Variants in MYO1D observed in about 807,000 individuals in gnomAD.
MYO1D encodes the protein myosin ID.
A neutral mutation model predicts 122.0 loss-of-function variants in MYO1D; 83 were observed. The ratio of observed to expected loss-of-function variants is 0.68; its 90% confidence interval spans 0.57 to 0.82. The LOEUF (loss-of-function observed/expected upper bound fraction) is 0.82, where lower values mean the gene tolerates loss of function less well. MYO1D is among the 40% of genes least tolerant of loss of function. MYO1D has a pLI of 0.00. For missense variants in MYO1D, 1,157 were observed against 1,269.5 expected (o/e 0.91, Z 1.35); for synonymous variants, 464 against 446.9 (o/e 1.04, Z -0.48).
intron 16 of MYO1D, among the ~76,000 whole-genome samples, chr17:32,698,856 C>A (rs1223211477): frequency 1.3e-5 from 2 of 151,962 alleles, no homozygotes. Flanking sequence ...ATAAAAAATG[C>A]AAAATGCAAA....
chr17:32,563,200 T>TTC (rs201518647), intron 21 of MYO1D, among the ~76,000 whole-genome samples: 1 of 132,500 alleles, frequency 7.5e-6, no homozygotes, highest in South Asian at 2.3e-4. Flanking sequence ...TCTTTTTTTC[T>TTC]TCTCTCTTTT....
Position 32,776,047 on chromosome 17 carries a change from G to T in MYO1D, c.399-18C>A. 1 of 1,600,950 alleles carries T rather than the reference G, an allele frequency of 6.2e-7. No homozygotes were observed. Among genetic ancestry groups the T allele is most frequent in the Non-Finnish European group, 8.5e-7 (1 of 1,175,940 alleles). On this transcript the variant is annotated intron_variant, in intron 3 of 21. Transcript: ENST00000318217. The stretch of plus-strand genomic sequence containing the variant: ...TCTTCACTCTTTAACACAGATAAAT[G>T]AAAGTCATTATAAAAACTTATAGAG...
chr17:32,536,714 T>C (rs1427600584), intron 21 of MYO1D, among the ~76,000 whole-genome samples: 2 of 152,248 alleles, frequency 1.3e-5, no homozygotes, highest in African/African-American at 4.8e-5. Flanking sequence ...ATTTTAAAGT[T>C]TGAAATTATT....
At position 32,780,770 on chromosome 17, in the gene MYO1D, C is replaced by T. The variant is rs1009367181; in HGVS notation, c.110G>A (p.Arg37His). 9.3e-6 allele frequency: 15 copies of T among 1,613,970 alleles called. No homozygotes were observed. Among genetic ancestry groups the T allele is most frequent in the African/African-American group, 1.3e-5 (1 of 74,896 alleles). Reference sequence around the variant, plus strand: ...GACTTCTCCAATGAACGTATAGATGCGCCCTTTTTCAAATCTGTACAGAAG... The same window carrying T: ...GACTTCTCCAATGAACGTATAGATGTGCCCTTTTTCAAATCTGTACAGAAG... ...ANLRLRFEKGRIYTFIGEVVV... is the reference protein window; with the variant it reads ...ANLRLRFEKGHIYTFIGEVVV... Residue 37 changes from arginine (R) to histidine (H), a missense_variant, in exon 2 of 22, where the codon CGC (arginine) becomes CAC (histidine). Coordinates refer to ENST00000318217, the MANE Select transcript of MYO1D (RefSeq NM_015194.3).
At chr17:32,802,461 G>A (rs556503468) in intron 1 of MYO1D, among the ~76,000 whole-genome samples, 197 of 152,252 alleles carry the variant, frequency 1.3e-3, no homozygotes, top group Non-Finnish European at 2.2e-3. Flanking sequence ...TATCAATTAA[G>A]TTGGTCTTAA....
intron 21 of MYO1D, among the ~76,000 whole-genome samples, chr17:32,543,625 A>G (rs1910921992): frequency 1.3e-5 from 2 of 151,970 alleles, no homozygotes; most frequent in African/African-American, 2.4e-5. Context: ...AAATAAATAA[A>G]TAAATAAAAT....
intron 21 of MYO1D, among the ~76,000 whole-genome samples, chr17:32,540,067 C>T (rs1471267199): frequency 1.3e-5 from 2 of 151,970 alleles, no homozygotes; most frequent in African/African-American, 2.4e-5. Flanking sequence ...GAAAAGAGGC[C>T]GGACACAGTG....
intron 20 of MYO1D, among the ~76,000 whole-genome samples, chr17:32,623,960 A>G (rs1010308623): frequency 3.3e-5 from 5 of 152,192 alleles, no homozygotes; most frequent in Non-Finnish European, 7.3e-5. Flanking sequence ...GGATTTTGAC[A>G]TATGAATTTT....
chr17:32,551,707 C>A (rs979739776), intron 21 of MYO1D, among the ~76,000 whole-genome samples: 7 of 152,134 alleles, frequency 4.6e-5, no homozygotes, highest in African/African-American at 1.7e-4. Flanking sequence ...CCAATCAGCA[C>A]GCGGTTCCAT....
intron 20 of MYO1D, among the ~76,000 whole-genome samples, chr17:32,609,222 G>A (rs905842941): frequency 2.0e-5 from 3 of 152,206 alleles, no homozygotes; most frequent in Non-Finnish European, 4.4e-5. Flanking sequence ...TAAAGCAGAA[G>A]TCAGAGTGAT....
At chr17:32,848,779 C>CA (rs2090959994) in intron 1 of MYO1D, among the ~76,000 whole-genome samples, 1 of 152,114 alleles carries the variant, frequency 6.6e-6, no homozygotes, top group Non-Finnish European at 1.5e-5. Flanking sequence ...CCCTTCTTGC[C>CA]ATAGTAGGTA....
intron 11 of MYO1D, among the ~76,000 whole-genome samples, chr17:32,751,344 A>G (rs2089896890): frequency 1.3e-5 from 2 of 152,188 alleles, no homozygotes. Context: ...AACAGTTCAC[A>G]GTGATTAAAA....
chr17:32,825,545 C>T (rs1230925519), intron 1 of MYO1D, among the ~76,000 whole-genome samples: 1 of 152,172 alleles, frequency 6.6e-6, no homozygotes, highest in Non-Finnish European at 1.5e-5. Flanking sequence ...CATCCACCTT[C>T]GCCTCTCAAA....
chr17:32,658,207 G>T (rs1204498363), intron 17 of MYO1D, among the ~76,000 whole-genome samples: 1 of 151,634 alleles, frequency 6.6e-6, no homozygotes, highest in Non-Finnish European at 1.5e-5. Flanking sequence ...TTTATCTTTT[G>T]ATACCTTCCA....
At chr17:32,647,110 G>A (rs2088306157) in intron 19 of MYO1D, among the ~76,000 whole-genome samples, 1 of 152,188 alleles carries the variant, frequency 6.6e-6, no homozygotes, top group Non-Finnish European at 1.5e-5. Context: ...TATAGGTTTA[G>A]TCAGTACCAC....
intron 15 of MYO1D, among the ~76,000 whole-genome samples, chr17:32,714,744 T>C (rs1279464635): frequency 4.6e-5 from 7 of 152,130 alleles, no homozygotes; most frequent in African/African-American, 1.7e-4. Flanking sequence ...GGCAATACCA[T>C]TCAGGATACA....
At chr17:32,770,689 A>C (rs2151022681) in intron 6 of MYO1D, among the ~76,000 whole-genome samples, 1 of 152,292 alleles carries the variant, frequency 6.6e-6, no homozygotes, top group East Asian at 1.9e-4. Context: ...AATTATTTCT[A>C]GGGTACATCA....
chr17:32,719,240 T>A (rs1226715294), intron 15 of MYO1D, among the ~76,000 whole-genome samples: 6 of 152,060 alleles, frequency 3.9e-5, no homozygotes, highest in Non-Finnish European at 8.8e-5. Context: ...CTCAAACATA[T>A]CCCAAATCTG....
rs1036640297 is a variant in MYO1D at position 32,876,941 on chromosome 17, C to G, written c.-69G>C. On this transcript the variant is annotated 5_prime_UTR_variant, in exon 1 of 22. Transcript: ENST00000318217. The stretch of plus-strand genomic sequence containing the variant: ...GGCCGCTCCGTGGGCCCGCGATGAG[C>G]TCGGGAGGGGCCGGGGCGAGGCCGC... The G allele has an allele frequency of 1.0e-6, 1 of 980,516 alleles. No individual in the cohort carries two copies. The highest frequency in any genetic ancestry group is 1.7e-5 in the African/African-American group (1 of 57,824). The allele number at this position is 980,516 out of a possible 1,614,324, so 60.7% of individuals were successfully genotyped here.
Sources: allele counts gnomAD v4.1 joint callset (sites outside exome capture counted in the v4.1 genomes callset), GRCh38; gene constraint gnomAD v4.1.1; transcripts MANE v1.5; gene names NCBI Gene and HGNC (gene_info 2026-07-23, HGNC 2026-07-21).